GPM6A: variants seen among roughly 807,000 people sequenced by gnomAD.
The protein encoded by GPM6A is neuronal membrane glycoprotein M6-a.
A neutral mutation model predicts 32.1 loss-of-function variants in GPM6A; 7 were observed. That is an observed-to-expected ratio of 0.22 (90% CI 0.12 to 0.41). The LOEUF is 0.41. Ranked by LOEUF, GPM6A falls within the 10% of genes least tolerant of loss-of-function variation. GPM6A has a pLI of 1.00. For missense variants in GPM6A, 235 were observed against 347.2 expected, an observed-to-expected ratio of 0.68 and a Z score of 2.57; for synonymous variants, 130 against 123.4, an observed-to-expected ratio of 1.05 and a Z score of -0.35.
intron 1 of GPM6A, among the ~76,000 whole-genome samples, chr4:175,828,667 T>C (rs1427752414): frequency 6.6e-6 from 1 of 152,104 alleles, no homozygotes; most frequent in Non-Finnish European, 1.5e-5. Context: ...TAAATTCGAA[T>C]CTGTGGATGA....
Position 175,634,131 on chromosome 4 carries a change from A to G in GPM6A, c.*774T>C, listed in dbSNP as rs1049835. 40,333 of 152,388 alleles carry G rather than the reference A, an allele frequency of 0.26. 6,338 individuals are homozygous for G. Among genetic ancestry groups the G allele is most frequent in the Non-Finnish European group, 0.34 (23,061 of 67,898 alleles). 9.4% of individuals were successfully genotyped at this position (152,388 alleles called of 1,614,324 possible). ...AGTTATTTCCATTAAAATTGTCTCTATATACTAAACTTTAAAAGGTAAGCC... is the reference window on the plus strand; with the variant it reads ...AGTTATTTCCATTAAAATTGTCTCTGTATACTAAACTTTAAAAGGTAAGCC... On this transcript the variant is annotated 3_prime_UTR_variant, in exon 7 of 7. Transcript: ENST00000393658.
At chr4:175,752,542 C>A (rs772741335) in intron 1 of GPM6A, among the ~76,000 whole-genome samples, 1 of 152,082 alleles carries the variant, frequency 6.6e-6, no homozygotes, top group Non-Finnish European at 1.5e-5. Flanking sequence ...AAAAAGTCGG[C>A]TCCAAGAAGG....
At chr4:175,862,482 G>A (rs758591913) in intron 1 of GPM6A, among the ~76,000 whole-genome samples, 8 of 152,204 alleles carry the variant, frequency 5.3e-5, no homozygotes, top group Admixed American at 4.6e-4. Context: ...TCTTGCTGCT[G>A]AGCAGTGTTC....
In GPM6A at chr4:175,730,762, C is replaced by T. The variant is rs1014573768; in HGVS notation, c.38-28995G>A. On this transcript the variant is annotated intron_variant, in intron 1 of 6. Transcript: ENST00000393658. ...GTGCTGAGATTCCAGGTGTGAGCCACCGCTGCTGGCCGTTCTCGATCTCTT... is the reference window on the plus strand; with the variant it reads ...GTGCTGAGATTCCAGGTGTGAGCCATCGCTGCTGGCCGTTCTCGATCTCTT... 3.9e-5 allele frequency among the ~76,000 whole-genome samples: 6 copies of T among 152,140 alleles called. No individual in the cohort carries two copies. In the East Asian group the frequency reaches 5.8e-4, roughly 15 times the overall value.
chr4:175,903,348 G>C (rs988926591), intron 1 of GPM6A, among the ~76,000 whole-genome samples: 1 of 151,942 alleles, frequency 6.6e-6, no homozygotes, highest in African/African-American at 2.4e-5. Context: ...CCCTTAAAGG[G>C]GAATGTATAC....
chr4:175,637,210 T>TATATCATA (rs1210291527), intron 6 of GPM6A, among the ~76,000 whole-genome samples: 1 of 41,520 alleles, frequency 2.4e-5, no homozygotes, highest in Non-Finnish European at 4.2e-5. Flanking sequence ...TGTGACATAA[T>TATATCATA]ATATCATATA....
chr4:175,812,570 A>G (rs1734973604), upstream of GPM6A: 1 of 1,039,494 alleles, frequency 9.6e-7, no homozygotes, highest in South Asian at 4.3e-5. Flanking sequence ...TCTGAATCCC[A>G]GGAGCAGAGA....
rs192511694 is a variant in GPM6A at position 175,856,582 on chromosome 4, C to T, written c.-22-44333G>A. Among the ~76,000 whole-genome samples the T allele has an allele frequency of 3.3e-3, 507 of 152,224 alleles. 1 individual carries two copies. Among genetic ancestry groups the T allele is most frequent in the Non-Finnish European group, 4.0e-3 (270 of 68,012 alleles). On this transcript the variant is annotated intron_variant, in intron 1 of 7. Coordinates refer to the GPM6A transcript ENST00000280187. ...GTCAGTATGATAGCCTTTTTGGGTT[C>T]CTGCACACAGTGCATCCCAAATTCT... is the stretch of plus-strand genomic sequence containing the variant.
chr4:175,707,451 A>G (rs1215455364), intron 1 of GPM6A, among the ~76,000 whole-genome samples: 4 of 152,242 alleles, frequency 2.6e-5, no homozygotes, highest in Admixed American at 6.5e-5. Context: ...GATTACACAA[A>G]TTAACTCATT....
intron 1 of GPM6A, among the ~76,000 whole-genome samples, chr4:175,905,647 T>C (rs1458257671): frequency 6.6e-6 from 1 of 152,146 alleles, no homozygotes; most frequent in Non-Finnish European, 1.5e-5. Context: ...TGTTTCTCAG[T>C]TGCCTTCGGC....
At chr4:175,960,262 A>T (rs1740124919) in intron 1 of GPM6A, among the ~76,000 whole-genome samples, 1 of 152,198 alleles carries the variant, frequency 6.6e-6, no homozygotes, top group African/African-American at 2.4e-5. Flanking sequence ...GCAAATAAAA[A>T]AATTAAACTA....
intron 1 of GPM6A, among the ~76,000 whole-genome samples, chr4:175,980,155 T>C (rs965670456): frequency 7.9e-5 from 12 of 152,184 alleles, no homozygotes; most frequent in African/African-American, 2.9e-4. Context: ...AGCCCACTAG[T>C]TGGAGACCAG....
chr4:175,951,342 A>C (rs1028697594), intron 1 of GPM6A, among the ~76,000 whole-genome samples: 7 of 152,208 alleles, frequency 4.6e-5, no homozygotes, highest in African/African-American at 1.7e-4. Flanking sequence ...TATAGAAGTG[A>C]AGATGGAGAT....
intron 3 of GPM6A, among the ~76,000 whole-genome samples, chr4:175,658,136 C>T (rs1742191944): frequency 6.6e-6 from 1 of 151,964 alleles, no homozygotes; most frequent in East Asian, 1.9e-4. Context: ...CAACTTTATT[C>T]AAAATTGCCC....
chr4:175,776,702 G>A (rs1320580178), intron 1 of GPM6A, among the ~76,000 whole-genome samples: 1 of 152,060 alleles, frequency 6.6e-6, no homozygotes, highest in Non-Finnish European at 1.5e-5. Context: ...CCTACTAAAT[G>A]TTATTATTCA....
chr4:175,735,369 A>G (rs76048727), intron 1 of GPM6A, among the ~76,000 whole-genome samples: 8,205 of 152,228 alleles, frequency 0.054, 402 homozygotes, highest in East Asian at 0.29. Context: ...AGGAATTGCT[A>G]TTCCTAATTA....
At chr4:175,845,555 C>G (rs1169148896) in intron 1 of GPM6A, among the ~76,000 whole-genome samples, 1 of 152,090 alleles carries the variant, frequency 6.6e-6, no homozygotes, top group Admixed American at 6.6e-5. Flanking sequence ...TATCCCCTTA[C>G]TGATTATAAC....
chr4:175,636,262 A>G (rs10014290), intron 6 of GPM6A, among the ~76,000 whole-genome samples: 403 of 24,368 alleles, frequency 0.017, 4 homozygotes, highest in East Asian at 0.035. Flanking sequence ...TAATCACTGT[A>G]TATATATATA....
At chr4:175,867,761 G>A (rs571872953) in intron 1 of GPM6A, among the ~76,000 whole-genome samples, 3 of 152,190 alleles carry the variant, frequency 2.0e-5, no homozygotes, top group African/African-American at 4.8e-5. Flanking sequence ...TGATGTATTG[G>A]CTATTGTGGT....
Sources: allele counts gnomAD v4.1 joint callset (sites outside exome capture counted in the v4.1 genomes callset), GRCh38; gene constraint gnomAD v4.1.1; transcripts MANE v1.5; gene names NCBI Gene and HGNC (gene_info 2026-07-23, HGNC 2026-07-21).